The following RSPH10B variants were observed in gnomAD, a reference collection of about 807,000 sequenced individuals.
RSPH10B encodes the protein radial spoke head 10 homolog B.
Under a neutral mutation model 52.5 loss-of-function variants are expected in RSPH10B, and 7 were observed. The ratio of observed to expected loss-of-function variants is 0.13; its 90% CI spans 0.08 to 0.25. RSPH10B has a LOEUF of 0.25. Among genes scored for constraint, RSPH10B ranks in the 10% least tolerant of loss-of-function variants. The pLI is 1.00. For missense variants in RSPH10B, 89 were observed against 542.5 expected (o/e 0.16, Z 8.30); for synonymous variants, 28 against 193.2 (o/e 0.14, Z 7.09).
chr7:5,944,002 A>T lies in RSPH10B; in HGVS notation c.1530-12T>A. On this transcript the variant is annotated splice_polypyrimidine_tract_variant and intron_variant, in intron 11 of 18. Transcript: ENST00000337579. Reference sequence around the variant, plus strand: ...ATGGGCTTCTCTTTCTGTGATAATCATCAAAAGATACCATAGTTACTTCTC... The same window carrying T: ...ATGGGCTTCTCTTTCTGTGATAATCTTCAAAAGATACCATAGTTACTTCTC... The T allele has an allele frequency of 6.2e-7, 1 of 1,610,214 alleles. No homozygotes were observed. The highest frequency in any genetic ancestry group is 8.5e-7 in the Non-Finnish European group (1 of 1,178,470).
intron 17 of RSPH10B, among the ~76,000 whole-genome samples, 198 bp from the exon 20 acceptor site, chr7:5,928,592 G>C (rs1386693213): frequency 6.6e-6 from 1 of 150,376 alleles, no homozygotes; most frequent in African/African-American, 2.5e-5. Flanking sequence ...GGGATTGTCA[G>C]CCTTCCCTTT....
intron 18 of RSPH10B, among the ~76,000 whole-genome samples, chr7:5,927,492 G>T (rs1779560780): frequency 9.4e-6 from 1 of 106,918 alleles, no homozygotes; most frequent in Non-Finnish European, 1.8e-5. Context: ...GGTTGGGCTG[G>T]AGCTGAAAGT....
At chr7:5,944,249 T>C (rs1253520183) in intron 11 of RSPH10B, among the ~76,000 whole-genome samples, 1 of 150,536 alleles carries the variant, frequency 6.6e-6, no homozygotes, top group East Asian at 2.0e-4. Flanking sequence ...ATACAAAAAA[T>C]TAGCTGGGCT....
At chr7:5,927,068 A>ATG (rs1162615266) in intron 18 of RSPH10B, among the ~76,000 whole-genome samples, 2,019 of 48,686 alleles carry the variant, frequency 0.041, 10 homozygotes, top group Admixed American at 0.099. Flanking sequence ...GTGTGTGTGT[A>ATG]TATGTGTGTG....
At chr7:5,926,875 C>T (rs1779452209) in intron 18 of RSPH10B, among the ~76,000 whole-genome samples, 1 of 139,934 alleles carries the variant, frequency 7.1e-6, no homozygotes, top group Admixed American at 7.3e-5. Context: ...CTGCCTCAGC[C>T]TCCTGAATAG....
intron 14 of RSPH10B, among the ~76,000 whole-genome samples, chr7:5,938,303 C>T (rs1384049084): frequency 9.4e-6 from 1 of 106,344 alleles, no homozygotes; most frequent in African/African-American, 3.3e-5. Context: ...CGCGGTGGCT[C>T]ATGCCTGTAA....
In RSPH10B at chr7:5,955,142, G is replaced by A. The variant is rs569806011; in HGVS notation, c.957+863C>T. 1.9e-4 allele frequency among the ~76,000 whole-genome samples: 26 copies of A among 139,290 alleles called. 4 individuals are homozygous for A. In the East Asian group the frequency reaches 7.2e-3, roughly 39 times the overall value. The allele number at this position is 139,290 out of a possible 152,430, so 91.4% of individuals were successfully genotyped here. A position where few individuals can be genotyped will look rare whatever the true frequency, so the allele number is the denominator to read the frequency against. ...ATCATGCCACTGCACTCCAGCCTGG[G>A]CAACAGAGCGAAACTCTGTCTCAAA... On this transcript the variant is annotated intron_variant, in intron 7 of 18. Transcript: ENST00000337579.
chr7:5,929,006 C>G (rs1173884218), intron 17 of RSPH10B, among the ~76,000 whole-genome samples: 2 of 146,216 alleles, frequency 1.4e-5, no homozygotes, highest in Non-Finnish European at 3.0e-5. Context: ...AAACTCGTTT[C>G]TCTTGCTTTT....
chr7:5,953,613 TC>T (rs1780639796), intron 7 of RSPH10B: 1 of 114,104 alleles, frequency 8.8e-6, no homozygotes, highest in African/African-American at 3.0e-5. Flanking sequence ...AATAGTTTTT[TC>T]AAGGGTGTGG....
exon 19 of RSPH10B, chr7:5,926,328 A>ACGT (rs1462056300): frequency 9.2e-6 from 10 of 1,088,980 alleles, no homozygotes; most frequent in Admixed American, 2.2e-5. Context: ...ATCTTACAGC[A>ACGT]CGTGCCATCC....
At chr7:5,943,195 A>G (rs1458501529) in intron 13 of RSPH10B, 129 bp downstream of exon 15, 5 of 1,525,174 alleles carry the variant, frequency 3.3e-6, no homozygotes, top group Non-Finnish European at 4.4e-6. Flanking sequence ...TAAACATTTA[A>G]TGGTCCTGAA....
At chr7:5,927,076 G>GTATATATCTATA (rs1383646838) in intron 18 of RSPH10B, among the ~76,000 whole-genome samples, 1 of 131,610 alleles carries the variant, frequency 7.6e-6, no homozygotes, top group Non-Finnish European at 1.6e-5. Context: ...GTATATGTGT[G>GTATATATCTATA]TGTGTGTGTG....
At chr7:5,957,024 A>AT (rs1315259081) in intron 6 of RSPH10B, among the ~76,000 whole-genome samples, 2 of 21,172 alleles carry the variant, frequency 9.4e-5, no homozygotes, top group Non-Finnish European at 1.1e-4. Flanking sequence ...AAAAAAAATT[A>AT]TTTTTTTAGT....
chr7:5,943,630 G>A (rs1408242077), intron 12 of RSPH10B, among the ~76,000 whole-genome samples, 158 bp from the exon 15 acceptor site: 5 of 146,944 alleles, frequency 3.4e-5, no homozygotes, highest in Admixed American at 6.9e-5. Flanking sequence ...TGCAACCTCC[G>A]CCCCCCAGGC....
At chr7:5,963,381 TCTCCCCGCTC>T (rs1381422571) in intron 3 of RSPH10B, 6 of 144,390 alleles carry the variant, frequency 4.2e-5, no homozygotes, top group African/African-American at 1.5e-4. Context: ...CCTCCCTCCC[TCTCCCCGCTC>T]CTCTGCAGCA....
chr7:5,926,660 GTGTAAACAAAAC>G (rs1779429369), intron 18 of RSPH10B, 112 bp from the exon 21 acceptor site: 8 of 713,616 alleles, frequency 1.1e-5, no homozygotes, highest in Non-Finnish European at 1.6e-5. Flanking sequence ...TCAACAGCAT[GTGTAAACAAAAC>G]TGTAAGTTGC....
intron 13 of RSPH10B, 46 bp downstream of exon 15, chr7:5,943,278 C>G (rs1780302910): frequency 6.5e-7 from 1 of 1,539,176 alleles, no homozygotes; most frequent in African/African-American, 1.4e-5. Flanking sequence ...TAATTAAAAT[C>G]AAAGTGCCTG....
intron 17 of RSPH10B, among the ~76,000 whole-genome samples, chr7:5,931,596 C>T (rs1779774886): frequency 2.0e-5 from 3 of 151,240 alleles, no homozygotes; most frequent in Non-Finnish European, 3.0e-5. Context: ...TGGGCTCATA[C>T]CTGTAACCTC....
At chr7:5,950,394 AACTCC>A (rs1298548883) in intron 9 of RSPH10B, among the ~76,000 whole-genome samples, 3 of 149,958 alleles carry the variant, frequency 2.0e-5, no homozygotes, top group African/African-American at 7.3e-5. Flanking sequence ...AACACAGTGA[AACTCC>A]ATCTCTACTA....
Sources: gnomAD v4.1 joint callset for allele counts (sites outside exome capture counted in the v4.1 genomes callset) on GRCh38, gnomAD v4.1.1 for gene constraint, MANE v1.5 for transcripts, NCBI Gene and HGNC (gene_info 2026-07-23, HGNC 2026-07-21) for gene names.